MED13L: variants seen among roughly 807,000 people sequenced by gnomAD.
MED13L encodes mediator complex subunit 13L, also known as mediator of RNA polymerase II transcription subunit 13-like.
Under a neutral mutation model 220.9 loss-of-function variants are expected in MED13L, and 7 were observed. That is an observed-to-expected ratio of 0.03 (90% CI 0.02 to 0.06). The LOEUF (loss-of-function observed/expected upper bound fraction) is 0.06. Among genes scored for constraint, MED13L ranks in the 10% least tolerant of loss-of-function variants. MED13L has a pLI of 1.00. For missense variants in MED13L, 1,965 were observed against 2,760.5 expected (o/e 0.71, Z 6.46); for synonymous variants, 1,011 against 1,015.2 (o/e 1.00, Z 0.08).
intron 2 of MED13L, among the ~76,000 whole-genome samples, chr12:116,204,292 G>A (rs1390330992): frequency 6.6e-6 from 1 of 152,208 alleles, no homozygotes; most frequent in African/African-American, 2.4e-5. Flanking sequence ...TAAAACTCCA[G>A]TGATTCAGAC....
Position 115,975,635 on chromosome 12 carries a change from T to C in MED13L, c.5468A>G (p.Tyr1823Cys). The C allele has an allele frequency of 6.2e-7, 1 of 1,614,148 alleles. No homozygotes were observed. Among genetic ancestry groups the C allele is most frequent in the Non-Finnish European group, 8.5e-7 (1 of 1,180,022 alleles). ...GETFGEASQK[Y>C]NVLFVGYCLS... ...ACAATAGCCCACGAAGAGCACATTG[T>C]ATTTCTGGCTCGCCTCACCAAACGT... Residue 1823 changes from tyrosine (Y) to cysteine (C), a missense_variant, in exon 24 of 31, where the codon TAC becomes TGC. This residue lies in a region of MED13L where 510 missense variants were observed against 620.4 expected (regional missense o/e 0.82). Coordinates refer to ENST00000281928, the MANE Select transcript of MED13L (RefSeq NM_015335.5).
chr12:116,200,214 CT>C (rs898714564), intron 2 of MED13L, among the ~76,000 whole-genome samples: 10 of 151,664 alleles, frequency 6.6e-5, no homozygotes, highest in African/African-American at 2.4e-4. Context: ...AATCCCCTGC[CT>C]TTTTTTTAAT....
intron 23 of MED13L, among the ~76,000 whole-genome samples, chr12:115,978,417 C>CA (rs1410744447): frequency 9.3e-5 from 14 of 150,940 alleles, no homozygotes; most frequent in Admixed American, 9.2e-4. Flanking sequence ...ACCTCCACCT[C>CA]ATGGATTCAA....
At chr12:116,036,090 C>A (rs1478601590) in intron 4 of MED13L, among the ~76,000 whole-genome samples, 1 of 152,104 alleles carries the variant, frequency 6.6e-6, no homozygotes, top group Non-Finnish European at 1.5e-5. Flanking sequence ...CATGTCTGTC[C>A]CCTGCCTTCT....
intron 4 of MED13L, among the ~76,000 whole-genome samples, chr12:116,028,007 G>C (rs1880505466): frequency 6.6e-6 from 1 of 152,128 alleles, no homozygotes; most frequent in African/African-American, 2.4e-5. Flanking sequence ...TTCATACAAA[G>C]TCCACCCTCC....
chr12:116,123,182 CTTTA>C (rs1314823267), intron 2 of MED13L, among the ~76,000 whole-genome samples: 1 of 152,092 alleles, frequency 6.6e-6, no homozygotes, highest in East Asian at 1.9e-4. Context: ...TTGTTTTCTC[CTTTA>C]CCTCTTTGAG....
At chr12:116,135,478 C>T (rs1876456953) in intron 2 of MED13L, among the ~76,000 whole-genome samples, 1 of 152,118 alleles carries the variant, frequency 6.6e-6, no homozygotes, top group Admixed American at 6.5e-5. Flanking sequence ...AGCTGAAGGT[C>T]GAGACATCAC....
chr12:115,987,358 C>T lies in MED13L; in HGVS notation c.3935-70G>A, dbSNP rs188084161. On this transcript the variant is annotated intron_variant, in intron 17 of 30. Coordinates refer to ENST00000281928, the MANE Select transcript of MED13L (RefSeq NM_015335.5). ...ACCCTCCTCTTCCTCACCATCACCTCGAGCCTCAGTTATATTCAGAACAAT... is the reference window on the plus strand; with the variant it reads ...ACCCTCCTCTTCCTCACCATCACCTTGAGCCTCAGTTATATTCAGAACAAT... 75 of 1,402,500 alleles carry T rather than the reference C, an allele frequency of 5.3e-5. No homozygotes were observed. The East Asian group carries it at 1.4e-3, about 26-fold the overall frequency. 86.9% of individuals were successfully genotyped at this position (1,402,500 alleles called of 1,614,324 possible).
At chr12:116,191,545 G>A (rs1293049618) in intron 2 of MED13L, among the ~76,000 whole-genome samples, 2 of 151,944 alleles carry the variant, frequency 1.3e-5, no homozygotes, top group African/African-American at 2.4e-5. Flanking sequence ...GGCCAGGCTG[G>A]TCTCAAACTC....
At chr12:116,153,610 T>C (rs1878216012) in intron 2 of MED13L, among the ~76,000 whole-genome samples, 1 of 152,170 alleles carries the variant, frequency 6.6e-6, no homozygotes, top group African/African-American at 2.4e-5. Context: ...CTGGAAGAAA[T>C]AATAGCAGTA....
chr12:116,133,131 T>A (rs1171823808), intron 2 of MED13L, among the ~76,000 whole-genome samples: 1 of 152,076 alleles, frequency 6.6e-6, no homozygotes, highest in Non-Finnish European at 1.5e-5. Flanking sequence ...GGAAAATGAG[T>A]GAATGGGCAC....
intron 2 of MED13L, among the ~76,000 whole-genome samples, chr12:116,183,809 T>G (rs56317424): frequency 0.055 from 5,851 of 106,154 alleles, 174 homozygotes; most frequent in Non-Finnish European, 0.075. Context: ...AAATGGTGTG[T>G]GTGTGTGTGT....
chr12:116,160,554 G>A (rs1330978188), intron 2 of MED13L, among the ~76,000 whole-genome samples: 1 of 151,240 alleles, frequency 6.6e-6, no homozygotes, highest in African/African-American at 2.4e-5. Flanking sequence ...TGATCTGTAG[G>A]AAGAGGCTGG....
chr12:115,975,839 T>C, intron 23 of MED13L, 101 bp from the exon 24 acceptor site: 4 of 1,084,392 alleles, frequency 3.7e-6, no homozygotes, highest in Non-Finnish European at 5.5e-6. Context: ...GGAGTAATGG[T>C]AGTAAATCGT....
At chr12:116,201,764 C>T (rs1299909111) in intron 2 of MED13L, among the ~76,000 whole-genome samples, 3 of 152,096 alleles carry the variant, frequency 2.0e-5, no homozygotes, top group African/African-American at 7.2e-5. Context: ...ATCTGAAAAA[C>T]CTAAGAGCCA....
intron 3 of MED13L, among the ~76,000 whole-genome samples, chr12:116,105,158 T>C (rs1018737618): frequency 2.0e-5 from 3 of 152,214 alleles, no homozygotes; most frequent in African/African-American, 7.2e-5. Flanking sequence ...CCATCGTCTA[T>C]TGATAGCCAA....
At chr12:116,114,446 C>A (rs1307309991) in intron 2 of MED13L, among the ~76,000 whole-genome samples, 1 of 152,150 alleles carries the variant, frequency 6.6e-6, no homozygotes, top group East Asian at 1.9e-4. Context: ...AAAATTTTAT[C>A]CTGATTTCTA....
At chr12:116,032,440 C>A (rs1044414298) in intron 4 of MED13L, among the ~76,000 whole-genome samples, 12 of 152,158 alleles carry the variant, frequency 7.9e-5, no homozygotes, top group African/African-American at 2.7e-4. Context: ...AGAAATCAAC[C>A]CTCCAATGGC....
intron 17 of MED13L, among the ~76,000 whole-genome samples, chr12:115,988,313 A>G (rs1877836427): frequency 6.6e-6 from 1 of 152,122 alleles, no homozygotes; most frequent in Non-Finnish European, 1.5e-5. Context: ...ACTCCAGGAA[A>G]TTTCACACAC....
Sources: gnomAD v4.1 joint callset for allele counts (sites outside exome capture counted in the v4.1 genomes callset) on GRCh38, gnomAD v4.1.1 for gene constraint, gnomAD v4.1.1 regional missense constraint, MANE v1.5 for transcripts, NCBI Gene and HGNC (gene_info 2026-07-23, HGNC 2026-07-21) for gene names.